PRUNE2: variants seen among roughly 807,000 people sequenced by gnomAD.
PRUNE2 encodes prune homolog 2 with BCH domain.
Under a neutral mutation model 252.0 loss-of-function variants are expected in PRUNE2, and 164 were observed. The observed-to-expected ratio is 0.65, with a 90% CI of 0.57 to 0.74. The LOEUF (loss-of-function observed/expected upper bound fraction) is 0.74, where lower values mean the gene tolerates loss of function less well. Ranked by LOEUF, PRUNE2 falls within the 30% of genes least tolerant of loss-of-function variation. The pLI is 0.00. For synonymous variants in PRUNE2, 1,292 were observed against 1,350.2 expected, an observed-to-expected ratio of 0.96 and a Z score of 0.94; for missense variants, 3,495 against 3,711.0, an observed-to-expected ratio of 0.94 and a Z score of 1.51.
chr9:76,762,841 T>C (rs2051886471), intron 6 of PRUNE2, among the ~76,000 whole-genome samples: 2 of 152,196 alleles, frequency 1.3e-5, no homozygotes, highest in South Asian at 4.1e-4. Flanking sequence ...AAAACGTTTT[T>C]AGTTGGACTC....
chr9:76,697,933 G>T (rs1164921202), intron 9 of PRUNE2, among the ~76,000 whole-genome samples: 4 of 152,134 alleles, frequency 2.6e-5, no homozygotes, highest in Non-Finnish European at 5.9e-5. Context: ...GTCTGCTCTG[G>T]GTAGGGCTGG....
At position 76,698,647 on chromosome 9, in the gene PRUNE2, T is replaced by C. The variant is rs7859359; in HGVS notation, c.8276+4690A>G. ...AGAGTCAACTGATTTTTAAAATCTA[T>C]TTCTCATTTTCAACATTCACGTGGA... On this transcript the variant is annotated intron_variant, in intron 9 of 18. Transcript: ENST00000376718. 6.4e-3 allele frequency among the ~76,000 whole-genome samples: 968 copies of C among 152,310 alleles called. 8 individuals are homozygous for C. Among genetic ancestry groups the C allele is most frequent in the African/African-American group, 0.022 (929 of 41,564 alleles).
At chr9:76,820,542 GC>G (rs2057979089) in intron 6 of PRUNE2, among the ~76,000 whole-genome samples, 1 of 152,104 alleles carries the variant, frequency 6.6e-6, no homozygotes, top group Non-Finnish European at 1.5e-5. Flanking sequence ...CCGTATAAAG[GC>G]CATGACTTAC....
At chr9:76,741,684 G>A (rs2049633971) in intron 6 of PRUNE2, among the ~76,000 whole-genome samples, 1 of 152,128 alleles carries the variant, frequency 6.6e-6, no homozygotes, top group Non-Finnish European at 1.5e-5. Context: ...ACAGAAGAAT[G>A]CAAGTTAGCT....
chr9:76,761,379 T>C (rs2130733561), intron 6 of PRUNE2, among the ~76,000 whole-genome samples: 1 of 152,314 alleles, frequency 6.6e-6, no homozygotes, highest in Middle Eastern at 3.4e-3. Context: ...TATATTTGTG[T>C]AAGTCAGACA....
At chr9:76,904,773 G>A (rs1044230807) in intron 1 of PRUNE2, among the ~76,000 whole-genome samples, 8 of 152,136 alleles carry the variant, frequency 5.3e-5, no homozygotes, top group African/African-American at 1.9e-4. Context: ...CAACTTTAAT[G>A]GTCTTTTACA....
intron 10 of PRUNE2, among the ~76,000 whole-genome samples, chr9:76,654,402 T>G (rs935752020): frequency 2.0e-5 from 3 of 152,184 alleles, no homozygotes; most frequent in African/African-American, 7.2e-5. Context: ...ATGTATTACT[T>G]GAAAAAGGTT....
chr9:76,889,061 TTGAACTCC>T (rs1280636239), intron 1 of PRUNE2, among the ~76,000 whole-genome samples: 2 of 151,998 alleles, frequency 1.3e-5, no homozygotes, highest in Non-Finnish European at 2.9e-5. Context: ...CAGGCTGGTC[TTGAACTCC>T]TGAACTCCTG....
chr9:76,641,646 C>T (rs946854771), intron 12 of PRUNE2, among the ~76,000 whole-genome samples: 4 of 152,042 alleles, frequency 2.6e-5, no homozygotes, highest in Non-Finnish European at 5.9e-5. Flanking sequence ...CATTTGAAGT[C>T]TGGTTTTTAA....
chr9:76,834,443 C>T (rs930170907), intron 4 of PRUNE2, among the ~76,000 whole-genome samples: 14 of 152,000 alleles, frequency 9.2e-5, no homozygotes, highest in African/African-American at 3.4e-4. Context: ...TAAATAATCA[C>T]AATTAAAAAT....
At chr9:76,797,921 A>T (rs1341889483) in intron 6 of PRUNE2, among the ~76,000 whole-genome samples, 1 of 152,182 alleles carries the variant, frequency 6.6e-6, no homozygotes, top group South Asian at 2.1e-4. Flanking sequence ...GACACTCTTT[A>T]GCTGCGCTTT....
chr9:76,806,080 C>T (rs912530148), intron 6 of PRUNE2, among the ~76,000 whole-genome samples: 3 of 152,104 alleles, frequency 2.0e-5, no homozygotes, highest in African/African-American at 7.2e-5. Context: ...AATCAACTCT[C>T]TCTAAACCAG....
intron 6 of PRUNE2, among the ~76,000 whole-genome samples, chr9:76,762,703 G>T (rs901893279): frequency 2.0e-5 from 3 of 152,118 alleles, no homozygotes; most frequent in Admixed American, 1.3e-4. Flanking sequence ...GGAGGCGGAG[G>T]TCCCTACATA....
intron 1 of PRUNE2, among the ~76,000 whole-genome samples, chr9:76,902,706 C>A (rs1393048427): frequency 6.6e-6 from 1 of 152,228 alleles, no homozygotes; most frequent in Non-Finnish European, 1.5e-5. Flanking sequence ...CGTGCCCCAC[C>A]TCCAACCAAG....
intron 6 of PRUNE2, among the ~76,000 whole-genome samples, chr9:76,753,098 C>CA (rs2050773830): frequency 6.6e-6 from 1 of 152,120 alleles, no homozygotes; most frequent in African/African-American, 2.4e-5. Flanking sequence ...GGTGTGATCA[C>CA]AACTTACTAG....
chr9:76,733,073 TAG>T (rs772891364), intron 6 of PRUNE2, among the ~76,000 whole-genome samples: 18 of 152,078 alleles, frequency 1.2e-4, no homozygotes, highest in African/African-American at 2.4e-4. Context: ...GAAATAACGG[TAG>T]AGTCATTTTT....
chr9:76,723,810 C>CTTT (rs66816205), intron 6 of PRUNE2, among the ~76,000 whole-genome samples: 1,435 of 138,644 alleles, frequency 0.01, 26 homozygotes, highest in African/African-American at 0.036. Flanking sequence ...GCATATCTTT[C>CTTT]TTTTTTTTTT....
rs531020141 is a variant in PRUNE2, at chr9:76,895,776, T to TTTTA, written c.36+10148_36+10151dup. On this transcript the variant is annotated intron_variant, in intron 1 of 18. Coordinates refer to ENST00000376718, the MANE Select transcript of PRUNE2 (RefSeq NM_015225.3). ...TACTGGGGGCCCAGATCTGCCTCTA[T>TTTTA]TTTATTTATTTATTTATTTATTTTT... Among the ~76,000 whole-genome samples the TTTTA allele has an allele frequency of 5.8e-3, 883 of 152,038 alleles. 5 individuals carry two copies. Among genetic ancestry groups the TTTTA allele is most frequent in the African/African-American group, 0.015 (624 of 41,452 alleles).
chr9:76,729,302 G>A (rs1263469101), intron 6 of PRUNE2, among the ~76,000 whole-genome samples: 2 of 152,152 alleles, frequency 1.3e-5, no homozygotes, highest in Non-Finnish European at 2.9e-5. Flanking sequence ...CACTTCTAGC[G>A]TTTCTGATTC....
Sources: gnomAD v4.1 joint callset for allele counts (sites outside exome capture counted in the v4.1 genomes callset) on GRCh38, gnomAD v4.1.1 for gene constraint, MANE v1.5 for transcripts, NCBI Gene and HGNC (gene_info 2026-07-23, HGNC 2026-07-21) for gene names.